The following PUM2 variants were observed in gnomAD, a reference collection of about 807,000 sequenced individuals.
PUM2 encodes the protein pumilio RNA binding family member 2.
In PUM2, 57 loss-of-function variants were observed where a neutral mutation model predicts 124.5. That is an observed-to-expected ratio of 0.46 (90% CI 0.37 to 0.57). PUM2 has a LOEUF of 0.57. Ranked by LOEUF, PUM2 falls within the 20% of genes least tolerant of loss-of-function variation. PUM2 has a pLI of 0.00. For synonymous variants in PUM2, 460 were observed against 446.1 expected, an observed-to-expected ratio of 1.03 and a Z score of -0.39; for missense variants, 1,065 against 1,290.6, an observed-to-expected ratio of 0.83 and a Z score of 2.68.
At chr2:20,351,090 T>C (rs1362994069), upstream of PUM2, among the ~76,000 whole-genome samples, 1 of 152,132 alleles carries the variant, frequency 6.6e-6, no homozygotes, top group Non-Finnish European at 1.5e-5. Context: ...CGCGGCGGGC[T>C]CGGAGAGCGC....
At chr2:20,305,738 T>C (rs1446120727) in intron 7 of PUM2, among the ~76,000 whole-genome samples, 1 of 152,108 alleles carries the variant, frequency 6.6e-6, no homozygotes, top group Non-Finnish European at 1.5e-5. Flanking sequence ...GTACTTGAGT[T>C]TTCATAGATA....
chr2:20,339,770 C>G (rs1686867352), intron 1 of PUM2, among the ~76,000 whole-genome samples: 1 of 152,148 alleles, frequency 6.6e-6, no homozygotes, highest in Non-Finnish European at 1.5e-5. Context: ...ATCCCATCCT[C>G]TTGGGAGGCT....
chr2:20,261,394 CAAAAA>C (rs200294801), intron 14 of PUM2, among the ~76,000 whole-genome samples: 23 of 76,780 alleles, frequency 3.0e-4, no homozygotes, highest in African/African-American at 7.5e-4. Flanking sequence ...ACTCTGTCTC[CAAAAA>C]AAAAAAAAAA....
chr2:20,323,908 CAAAAAAAAAAAAAAAAAAA>C (rs397984008), intron 2 of PUM2, among the ~76,000 whole-genome samples: 1 of 58,426 alleles, frequency 1.7e-5, no homozygotes, highest in African/African-American at 6.0e-5. Context: ...TACGGACTAG[CAAAAAAAAAAAAAAAAAAA>C]AAAAAAAAAA....
At chr2:20,307,790 A>G (rs1678696830) in intron 7 of PUM2, among the ~76,000 whole-genome samples, 188 bp downstream of exon 7, 1 of 152,236 alleles carries the variant, frequency 6.6e-6, no homozygotes. Flanking sequence ...ATTTAATTAA[A>G]CCAGTGATGC....
At chr2:20,319,544 G>T (rs935806716) in intron 2 of PUM2, among the ~76,000 whole-genome samples, 7 of 152,104 alleles carry the variant, frequency 4.6e-5, no homozygotes, top group African/African-American at 1.7e-4. Context: ...CCTCTTAAGG[G>T]CATGGTCTGC....
chr2:20,293,114 A>G (rs1363037520), intron 9 of PUM2, among the ~76,000 whole-genome samples: 1 of 152,232 alleles, frequency 6.6e-6, no homozygotes, highest in African/African-American at 2.4e-5. Context: ...ACAGGATTAT[A>G]TATCAAAACA....
chr2:20,308,155 T>C, intron 6 of PUM2, 84 bp from the exon 7 acceptor site: 3 of 1,519,264 alleles, frequency 2.0e-6, no homozygotes, highest in South Asian at 2.4e-5. Flanking sequence ...ATTTTAAACA[T>C]TTTTTCTTTG....
At chr2:20,310,477 AT>A (rs1679356323) in intron 5 of PUM2, among the ~76,000 whole-genome samples, 1 of 152,026 alleles carries the variant, frequency 6.6e-6, no homozygotes, top group African/African-American at 2.4e-5. Context: ...CATCTACTTA[AT>A]TTTACATGCA....
chr2:20,303,342 C>A (rs532066316), intron 7 of PUM2, among the ~76,000 whole-genome samples: 5 of 151,692 alleles, frequency 3.3e-5, no homozygotes, highest in Non-Finnish European at 7.4e-5. Context: ...GAGGTCGAGG[C>A]TGCAATTAGC....
intron 2 of PUM2, among the ~76,000 whole-genome samples, chr2:20,321,547 G>A (rs914803640): frequency 1.3e-5 from 2 of 152,064 alleles, no homozygotes; most frequent in African/African-American, 4.8e-5. Context: ...AATACTTTTA[G>A]GGGATCTACT....
chr2:20,297,041 C>T (rs1675775066), intron 8 of PUM2, among the ~76,000 whole-genome samples: 1 of 152,144 alleles, frequency 6.6e-6, no homozygotes. Context: ...TCAGGCTGGG[C>T]AGTTTTTAGT....
intron 5 of PUM2, among the ~76,000 whole-genome samples, chr2:20,310,564 A>T (rs1679373814): frequency 6.6e-6 from 1 of 152,084 alleles, no homozygotes. Flanking sequence ...GAATAGCATT[A>T]AATGTATTTC....
rs984884914 is a variant in PUM2, at chr2:20,250,423, A to T, written c.*1162T>A. 3 of 152,584 alleles carry T rather than the reference A, an allele frequency of 2.0e-5. No individual in the cohort carries two copies. Among genetic ancestry groups the T allele is most frequent in the Non-Finnish European group, 4.4e-5 (3 of 67,994 alleles). The allele number at this position is 152,584 out of a possible 1,614,324, so 9.5% of individuals were successfully genotyped here. ...AAATGTATCCCAAAGAGATAAAACA[A>T]ATTCCATTTACAGCATGAAGGTTTA... On this transcript the variant is annotated 3_prime_UTR_variant, in exon 21 of 21. Transcript: ENST00000361078.
At position 20,294,668 on chromosome 2, in the gene PUM2, G is replaced by A. The variant is rs1034560610; in HGVS notation, c.1010-150C>T. 4.4e-6 allele frequency: 4 copies of A among 915,926 alleles called. No individual in the cohort carries two copies. In the African/African-American group the frequency reaches 5.1e-5, roughly 12 times the overall value. The allele number at this position is 915,926 out of a possible 1,614,324, so 56.7% of individuals were successfully genotyped here. The stretch of plus-strand genomic sequence containing the variant: ...AATAAAAGACAAAGTATTGATGGGT[G>A]ACAGCAATGGTCTTAAAGGGAAAAG... On this transcript the variant is annotated intron_variant, in intron 8 of 20. Transcript: ENST00000361078.
chr2:20,308,104 T>C (rs1678772656), intron 6 of PUM2, 33 bp from the exon 7 acceptor site: 4 of 1,574,466 alleles, frequency 2.5e-6, no homozygotes, highest in South Asian at 2.3e-5. Context: ...CAAAGATTAG[T>C]GTCAAAATCT....
intron 1 of PUM2, among the ~76,000 whole-genome samples, chr2:20,347,671 A>C (rs1442471557): frequency 6.6e-6 from 1 of 152,256 alleles, no homozygotes; most frequent in Non-Finnish European, 1.5e-5. Flanking sequence ...ACTGACTGAA[A>C]GACACAGTAG....
intron 13 of PUM2, among the ~76,000 whole-genome samples, chr2:20,270,367 T>A (rs760273150): frequency 3.9e-5 from 6 of 152,238 alleles, no homozygotes; most frequent in Non-Finnish European, 7.3e-5. Context: ...GGAGCTGGGA[T>A]TGTTTCTCTT....
chr2:20,313,559 A>G (rs1680168206), intron 3 of PUM2, among the ~76,000 whole-genome samples: 1 of 152,178 alleles, frequency 6.6e-6, no homozygotes, highest in South Asian at 2.1e-4. Flanking sequence ...GAGGCTGGAC[A>G]GCAGGGGCTC....
Sources: gnomAD v4.1 joint callset for allele counts (sites outside exome capture counted in the v4.1 genomes callset) on GRCh38, gnomAD v4.1.1 for gene constraint, MANE v1.5 for transcripts, NCBI Gene and HGNC (gene_info 2026-07-23, HGNC 2026-07-21) for gene names.